Variants in LINGO2 observed in about 807,000 individuals in gnomAD.
LINGO2 encodes leucine rich repeat and Ig domain containing 2, also known as leucine-rich repeat and immunoglobulin-like domain-containing nogo receptor-interacting protein 2.
Under a neutral mutation model 30.6 loss-of-function variants are expected in LINGO2, and 14 were observed. That is an observed-to-expected ratio of 0.46 (90% confidence interval 0.30 to 0.72). LINGO2 has a LOEUF of 0.72. LINGO2 is among the 30% of genes least tolerant of loss of function. LINGO2 has a pLI of 0.07. For synonymous variants in LINGO2, 317 were observed against 288.5 expected, an observed-to-expected ratio of 1.10 and a Z score of -1.00; for missense variants, 729 against 751.7, an observed-to-expected ratio of 0.97 and a Z score of 0.35.
intron 4 of LINGO2, among the ~76,000 whole-genome samples, chr9:28,227,634 A>T (rs1431413699): frequency 6.5e-5 from 2 of 30,910 alleles, no homozygotes; most frequent in African/African-American, 6.7e-4. Flanking sequence ...TCAGCAATTA[A>T]AAAAAAAAAG....
At chr9:28,163,098 T>C (rs1365701568) in intron 4 of LINGO2, among the ~76,000 whole-genome samples, 2 of 152,146 alleles carry the variant, frequency 1.3e-5, no homozygotes, top group Non-Finnish European at 2.9e-5. Flanking sequence ...GAAGGTTATA[T>C]TCATATTTGT....
At chr9:28,965,822 C>T in the LINGO2 span, among the ~76,000 whole-genome samples, 1 of 152,022 alleles carries the variant, frequency 6.6e-6, no homozygotes. Flanking sequence ...AATAGAGAAA[C>T]TATAAGTAAA....
chr9:28,500,417 C>T (rs1435672537), intron 1 of LINGO2, among the ~76,000 whole-genome samples: 3 of 152,032 alleles, frequency 2.0e-5, no homozygotes, highest in Non-Finnish European at 4.4e-5. Flanking sequence ...CACTAGAATT[C>T]TCAAAGATTA....
intron 4 of LINGO2, among the ~76,000 whole-genome samples, chr9:28,264,606 A>G (rs1233114583): frequency 1.3e-5 from 2 of 151,912 alleles, no homozygotes; most frequent in African/African-American, 4.8e-5. Flanking sequence ...CACTGAAGTT[A>G]GGCAACAGGG....
At position 28,003,982 on chromosome 9, in the gene LINGO2, GAA is replaced by G. The variant is rs953376429; in HGVS notation, c.-36+8371_-36+8372del. Among the ~76,000 whole-genome samples the G allele has an allele frequency of 2.0e-5, 3 of 152,148 alleles. No individual in the cohort carries two copies. The South Asian group carries it at 6.2e-4, about 32-fold the overall frequency. ...TGAATATTTTTTTAACTAGCCATTT[GAA>G]AAAAGAGTGAATTTGAACCCACTTA... On this transcript the variant is annotated intron_variant, in intron 5 of 5. Coordinates refer to ENST00000379992, the Ensembl canonical transcript of LINGO2.
At chr9:28,917,767 G>T in the LINGO2 span, among the ~76,000 whole-genome samples, 1 of 152,032 alleles carries the variant, frequency 6.6e-6, no homozygotes, top group South Asian at 2.1e-4. Context: ...GAGAAAGCTT[G>T]CTCATTAAAT....
chr9:28,873,522 T>C, the LINGO2 span, among the ~76,000 whole-genome samples: 1 of 152,170 alleles, frequency 6.6e-6, no homozygotes, highest in African/African-American at 2.4e-5. Context: ...AGGCAGGAGT[T>C]AGACTTGGCC....
At chr9:28,486,209 G>C (rs1331897) in intron 1 of LINGO2, among the ~76,000 whole-genome samples, 97,652 of 151,936 alleles carry the variant, frequency 0.64, 32,142 homozygotes, top group South Asian at 0.75. Context: ...TAATCTGCTT[G>C]AGGGTAACAC....
chr9:28,754,446 A>G, the LINGO2 span, among the ~76,000 whole-genome samples: 41 of 152,070 alleles, frequency 2.7e-4, no homozygotes, highest in South Asian at 6.2e-4. Context: ...CCCAGAAGAT[A>G]CTTGTTAGAA....
chr9:28,041,818 A>G (rs1307627179), intron 4 of LINGO2, among the ~76,000 whole-genome samples: 1 of 152,186 alleles, frequency 6.6e-6, no homozygotes. Context: ...TTATAGTTAT[A>G]ATTATTGTAA....
chr9:29,131,192 G>T, the LINGO2 span, among the ~76,000 whole-genome samples: 1 of 152,088 alleles, frequency 6.6e-6, no homozygotes, highest in Non-Finnish European at 1.5e-5. Context: ...GACAGCACAG[G>T]TATCCACCCA....
chr9:28,442,737 C>T (rs542262568), intron 2 of LINGO2, among the ~76,000 whole-genome samples: 31 of 152,214 alleles, frequency 2.0e-4, no homozygotes, highest in Non-Finnish European at 3.1e-4. Context: ...TCTTCTCTTA[C>T]AGTGTTGAAC....
chr9:28,284,711 G>A (rs1229155781), intron 4 of LINGO2, among the ~76,000 whole-genome samples: 2 of 152,022 alleles, frequency 1.3e-5, no homozygotes, highest in African/African-American at 4.8e-5. Flanking sequence ...CAACAGAGAA[G>A]GATTATTTGT....
At chr9:28,472,418 T>G (rs1587719469) in intron 2 of LINGO2, among the ~76,000 whole-genome samples, 1 of 151,580 alleles carries the variant, frequency 6.6e-6, no homozygotes, top group East Asian at 1.9e-4. Flanking sequence ...GTTAAGGGAA[T>G]CAAGAAAATC....
the LINGO2 span, among the ~76,000 whole-genome samples, chr9:28,703,727 C>CT: frequency 2.0e-5 from 3 of 151,954 alleles, no homozygotes; most frequent in South Asian, 4.1e-4. Context: ...TTCTCTCTCT[C>CT]TTTTTTTAAC....
chr9:28,004,109 T>C (rs1012308122), intron 5 of LINGO2, among the ~76,000 whole-genome samples: 40 of 152,160 alleles, frequency 2.6e-4, no homozygotes, highest in Admixed American at 9.2e-4. Context: ...ACGATATCTG[T>C]CTTGGAACAT....
the LINGO2 span, among the ~76,000 whole-genome samples, chr9:28,856,198 GGTTTC>G: frequency 6.6e-6 from 1 of 151,846 alleles, no homozygotes; most frequent in Non-Finnish European, 1.5e-5. Context: ...AATTATAAAA[GGTTTC>G]ATTTCCACAG....
At chr9:28,884,996 T>A in the LINGO2 span, among the ~76,000 whole-genome samples, 28 of 15,872 alleles carry the variant, frequency 1.8e-3, no homozygotes, top group African/African-American at 5.9e-3. Flanking sequence ...TAATAATATA[T>A]TATATATATA....
intron 4 of LINGO2, among the ~76,000 whole-genome samples, chr9:28,258,565 G>A (rs1017105651): frequency 6.6e-6 from 1 of 151,748 alleles, no homozygotes; most frequent in Non-Finnish European, 1.5e-5. Flanking sequence ...TGCTCAACTT[G>A]GGCTTCTTAT....
Sources: gnomAD v4.1 joint callset for allele counts (sites outside exome capture counted in the v4.1 genomes callset) on GRCh38, gnomAD v4.1.1 for gene constraint, MANE v1.5 for transcripts, NCBI Gene and HGNC (gene_info 2026-07-23, HGNC 2026-07-21) for gene names.